MYO18A: variants seen among roughly 807,000 people sequenced by gnomAD.
MYO18A encodes the protein myosin XVIIIA.
MYO18A carries 78 observed loss-of-function variants against 235.8 expected under a neutral mutation model. The observed-to-expected ratio is 0.33, with a 90% confidence interval of 0.28 to 0.40. The LOEUF is 0.40. MYO18A is among the 10% of genes least tolerant of loss of function. The pLI, the probability that MYO18A is intolerant of heterozygous loss-of-function variation, is 1.00. For synonymous variants in MYO18A, 977 were observed against 1,077.8 expected, an observed-to-expected ratio of 0.91 and a Z score of 1.83; for missense variants, 2,215 against 2,699.3, an observed-to-expected ratio of 0.82 and a Z score of 3.98.
Position 29,121,223 on chromosome 17 carries a change from G to C in MYO18A, c.1372-12C>G, listed in dbSNP as rs1357978388. On this transcript the variant is annotated splice_polypyrimidine_tract_variant and intron_variant, in intron 5 of 41. Transcript: ENST00000527372. This position sits in a 1 kb window ranked among gnomAD's most constrained non-coding sequence, Gnocchi z 4.2. The stretch of plus-strand genomic sequence containing the variant: ...AACATGTGCATCACCTTGGGCAGGA[G>C]AGCAAGGGAGAGAAGGGGTTGGCTC... The C allele has an allele frequency of 6.3e-7, 1 of 1,592,004 alleles. No homozygotes were observed. The highest frequency in any genetic ancestry group is 1.8e-5 in the Admixed American group (1 of 56,776).
At chr17:29,083,824 C>T (rs934979591) in intron 40 of MYO18A, among the ~76,000 whole-genome samples, 2 of 152,094 alleles carry the variant, frequency 1.3e-5, no homozygotes, top group Admixed American at 6.5e-5. Flanking sequence ...TGCAAAAAAC[C>T]TCCCTCTCTA....
At chr17:29,141,063 C>T (rs1598369940) in intron 2 of MYO18A, among the ~76,000 whole-genome samples, 1 of 152,256 alleles carries the variant, frequency 6.6e-6, no homozygotes, top group African/African-American at 2.4e-5. Flanking sequence ...CATCAGCACA[C>T]AGGGGACATG....
chr17:29,120,972 A>G lies in MYO18A; in HGVS notation c.1585+26T>C, dbSNP rs1037508398. On this transcript the variant is annotated intron_variant, in intron 6 of 41. Transcript: ENST00000527372. The surrounding 1 kb of genome is among the most constrained non-coding windows in gnomAD (Gnocchi z 4.2). ...ACTCCCCTCCCCTCACCCCACTTTC[A>G]GTTTTCTCCCTTGTCCCTGCCTCAC... 6.3e-7 allele frequency: 1 copy of G among 1,596,096 alleles called. No homozygotes were observed. Among genetic ancestry groups the G allele is most frequent in the Non-Finnish European group, 8.5e-7 (1 of 1,171,676 alleles).
At chr17:29,136,100 A>G (rs72817632) in intron 2 of MYO18A, among the ~76,000 whole-genome samples, 20,632 of 151,950 alleles carry the variant, frequency 0.14, 1,677 homozygotes, top group East Asian at 0.28. Context: ...ACGATGGTGC[A>G]TGCCTGTGGT....
intron 2 of MYO18A, among the ~76,000 whole-genome samples, chr17:29,130,389 C>T (rs1295022290): frequency 6.6e-6 from 1 of 150,612 alleles, no homozygotes; most frequent in Non-Finnish European, 1.5e-5. Flanking sequence ...TCACTATGGG[C>T]CATGGCACTC....
At chr17:29,096,146 G>A (rs1409545127) in intron 28 of MYO18A, among the ~76,000 whole-genome samples, 1 of 152,226 alleles carries the variant, frequency 6.6e-6, no homozygotes, top group Non-Finnish European at 1.5e-5. Context: ...GGCAACCAGT[G>A]CCTCTGCTGA....
chr17:29,073,036 T>C lies in MYO18A; in HGVS notation c.*1734A>G, dbSNP rs1221210228. 1 of 151,728 alleles carries C rather than the reference T, an allele frequency of 6.6e-6. No individual in the cohort carries two copies. The highest frequency in any genetic ancestry group is 6.6e-5 in the Admixed American group (1 of 15,254). 9.4% of individuals were successfully genotyped at this position (151,728 alleles called of 1,614,324 possible). A position where few individuals can be genotyped will look rare whatever the true frequency, so the allele number is the denominator to read the frequency against. ...CTTTGAAATGGCTAAAATTAAGCTT[T>C]TAAAAAATGTTCTAATGAGAAGGGC... is the stretch of plus-strand genomic sequence containing the variant. On this transcript the variant is annotated 3_prime_UTR_variant, in exon 42 of 42. Coordinates refer to ENST00000527372, the MANE Select transcript of MYO18A (RefSeq NM_078471.4).
In MYO18A at chr17:29,166,425, T is replaced by C. The variant is rs765756849; in HGVS notation, c.516A>G (p.Leu172=). 2 of 1,613,828 alleles carry C rather than the reference T, an allele frequency of 1.2e-6. No individual in the cohort carries two copies. Among genetic ancestry groups the C allele is most frequent in the South Asian group, 2.2e-5 (2 of 91,086 alleles). Residue 172 remains leucine (L), a synonymous_variant, in exon 2 of 42, where the codon CTA becomes CTG. Transcript: ENST00000527372. ...APSPQVEVRT[L]EGQLVQHPGP... ...CAGGATGCTGCACCAGCTGTCCCTC[T>C]AGAGTCCTCACCTCCACCTGTGGCG...
At chr17:29,079,637 G>GC in intron 41 of MYO18A, 2 of 871,900 alleles carry the variant, frequency 2.3e-6, no homozygotes, top group Non-Finnish European at 2.8e-6. Flanking sequence ...GTGCGGGTGG[G>GC]CCCTAAGGTG....
chr17:29,115,212 A>T, intron 13 of MYO18A, 113 bp from the exon 14 acceptor site: 1 of 1,426,400 alleles, frequency 7.0e-7, no homozygotes, highest in Non-Finnish European at 9.5e-7. Context: ...TGGGGAGGGC[A>T]TGCTGGCCTT....
chr17:29,177,164 G>A (rs763857664), intron 1 of MYO18A, among the ~76,000 whole-genome samples: 13 of 152,196 alleles, frequency 8.5e-5, no homozygotes, highest in Non-Finnish European at 1.9e-4. Context: ...AGCCTCTGCT[G>A]GAGAGCTATT....
chr17:29,114,922 C>T lies in MYO18A; in HGVS notation c.2496G>A (p.Leu832=). ...LFHERTFVQE[L]ERYKEENIEL... ...CCAGAGCTACCTCCTTGTATCTTTC[C>T]AACTCCTGCACGAAGGTGCGCTCGT... The change falls in exon 14 of 42, where the codon TTG becomes TTA. Residue 832 remains leucine (L), a synonymous_variant. Coordinates refer to ENST00000527372, the MANE Select transcript of MYO18A (RefSeq NM_078471.4). 6.2e-7 allele frequency: 1 copy of T among 1,613,650 alleles called. No individual in the cohort carries two copies. The highest frequency in any genetic ancestry group is 8.5e-7 in the Non-Finnish European group (1 of 1,179,696).
chr17:29,115,887 G>C, intron 11 of MYO18A, 47 bp from the exon 12 acceptor site: 1 of 1,541,088 alleles, frequency 6.5e-7, no homozygotes, highest in African/African-American at 1.4e-5. Context: ...TTTTTCCTTA[G>C]GCCAGCTGAT....
chr17:29,083,198 T>C (rs1299911509), intron 40 of MYO18A, among the ~76,000 whole-genome samples: 1 of 152,066 alleles, frequency 6.6e-6, no homozygotes, highest in African/African-American at 2.4e-5. Flanking sequence ...TCGCTCAAGG[T>C]CTCCTCTTCC....
chr17:29,173,280 C>CG lies in MYO18A; in HGVS notation c.-81-6260dup, dbSNP rs753781586. Among the ~76,000 whole-genome samples, 307 of 151,266 alleles carry CG rather than the reference C, an allele frequency of 2.0e-3. 1 individual carries two copies. Among genetic ancestry groups the CG allele is most frequent in the Middle Eastern group, 6.8e-3 (2 of 294 alleles). ...GCTAATTTTGTATTTTTAGTAGAGA[C>CG]GGGGTTTCTCCATGTTGGTCAGGCT... On this transcript the variant is annotated intron_variant, in intron 1 of 41. Transcript: ENST00000527372.
chr17:29,170,222 AG>A (rs1396625891), intron 1 of MYO18A, among the ~76,000 whole-genome samples: 1 of 152,238 alleles, frequency 6.6e-6, no homozygotes, highest in Admixed American at 6.5e-5. Context: ...TGGGGCCTTC[AG>A]AAAATGAGGC....
chr17:29,092,793 G>T, intron 33 of MYO18A, 62 bp downstream of exon 33: 1 of 1,586,564 alleles, frequency 6.3e-7, no homozygotes. Context: ...GCGAGAGAGA[G>T]AAAGAGAATG....
At chr17:29,168,674 G>A (rs2068333972) in intron 1 of MYO18A, among the ~76,000 whole-genome samples, 1 of 152,152 alleles carries the variant, frequency 6.6e-6, no homozygotes, top group African/African-American at 2.4e-5. Context: ...GCTCAGGAAG[G>A]CATCAAGGTC....
intron 34 of MYO18A, chr17:29,091,677 G>A (rs1223752731): frequency 4.8e-5 from 22 of 454,726 alleles, no homozygotes; most frequent in East Asian, 6.9e-5. Context: ...AATCAAGCCC[G>A]TGAGATTGGC....
Sources: gnomAD v4.1 joint callset for allele counts (sites outside exome capture counted in the v4.1 genomes callset) on GRCh38, gnomAD v4.1.1 for gene constraint, Gnocchi (gnomAD v3.1) non-coding constraint, MANE v1.5 for transcripts, NCBI Gene and HGNC (gene_info 2026-07-23, HGNC 2026-07-21) for gene names.